EYA1: variants seen among roughly 807,000 people sequenced by gnomAD.
EYA1 encodes the protein protein phosphatase EYA1.
Under a neutral mutation model 82.0 loss-of-function variants are expected in EYA1, and 16 were observed. The observed-to-expected ratio is 0.20, with a 90% CI of 0.13 to 0.30. The LOEUF (loss-of-function observed/expected upper bound fraction) is 0.30, where lower values mean the gene tolerates loss of function less well. Among genes scored for constraint, EYA1 ranks in the 10% least tolerant of loss-of-function variants. The probability of loss-of-function intolerance (pLI) is 1.00; values close to 1 mark genes in which losing one functional copy is unlikely to be tolerated. For missense variants in EYA1, 633 were observed against 730.7 expected (o/e 0.87, Z 1.54); for synonymous variants, 261 against 264.4 (o/e 0.99, Z 0.12).
At position 71,205,363 on chromosome 8, in the gene EYA1, G is replaced by T. The variant is rs1807628770; in HGVS notation, c.1698+5793C>A. On this transcript the variant is annotated intron_variant, in intron 17 of 17. Coordinates refer to ENST00000340726, the MANE Select transcript of EYA1 (RefSeq NM_000503.6). ...TTTTTTTTTTAAACAATCATACCTA[G>T]GTCTAATCATTTTCTCTCAAGCCAT... 4.6e-5 allele frequency among the ~76,000 whole-genome samples: 7 copies of T among 151,672 alleles called. No individual in the cohort carries two copies. In the South Asian group the frequency reaches 1.3e-3, roughly 27 times the overall value.
chr8:71,377,567 T>C (rs1474069560), intron 2 of EYA1, among the ~76,000 whole-genome samples: 5 of 152,210 alleles, frequency 3.3e-5, no homozygotes, highest in Non-Finnish European at 2.9e-5. Context: ...AATTACAGCA[T>C]TTTTATTGTG....
intron 12 of EYA1, among the ~76,000 whole-genome samples, chr8:71,218,963 TC>T (rs1256827445): frequency 2.1e-5 from 3 of 143,814 alleles, no homozygotes; most frequent in African/African-American, 9.0e-5. Flanking sequence ...ATTCAAGGAA[TC>T]AAAACTGACC....
rs1158547401 is a variant in EYA1 at position 71,456,786 on chromosome 8, T to A, written c.33+78958A>T. ...AAGATGGATTAAAGACTTAAAGGTT[T>A]GACCTAAAACCATAAAAACCCTAGA... On this transcript the variant is annotated intron_variant, in intron 2 of 18. Transcript: ENST00000643681. Among the ~76,000 whole-genome samples, 5 of 152,076 alleles carry A rather than the reference T, an allele frequency of 3.3e-5. No homozygotes were observed. In the East Asian group the frequency reaches 5.8e-4, roughly 18 times the overall value.
intron 3 of EYA1, chr8:71,334,438 A>G (rs1449743374): frequency 2.1e-6 from 1 of 478,272 alleles, no homozygotes; most frequent in Non-Finnish European, 3.8e-6. Flanking sequence ...ATTGTTTTAC[A>G]TATTTACTGA....
At chr8:71,277,335 G>C (rs4263800) in intron 9 of EYA1, among the ~76,000 whole-genome samples, 4,088 of 151,846 alleles carry the variant, frequency 0.027, 199 homozygotes, top group African/African-American at 0.094. Flanking sequence ...ATCTTTTGTA[G>C]AGATGGGGGT....
At chr8:71,522,704 G>A (rs966168642) in intron 2 of EYA1, among the ~76,000 whole-genome samples, 1 of 147,578 alleles carries the variant, frequency 6.8e-6, no homozygotes, top group Non-Finnish European at 1.5e-5. Flanking sequence ...CTGCAGCCTT[G>A]ACCTCCAGGG....
intron 7 of EYA1, among the ~76,000 whole-genome samples, chr8:71,300,181 A>G (rs1468408598): frequency 6.6e-6 from 1 of 152,240 alleles, no homozygotes; most frequent in East Asian, 1.9e-4. Context: ...GGCGTATGGA[A>G]AAAGCCATTT....
At chr8:71,282,526 C>T (rs1817923071) in intron 9 of EYA1, among the ~76,000 whole-genome samples, 1 of 152,246 alleles carries the variant, frequency 6.6e-6, no homozygotes, top group Non-Finnish European at 1.5e-5. Flanking sequence ...TATTTCTCCG[C>T]CTTTTGCCAG....
At chr8:71,243,326 A>G (rs1282200708) in intron 12 of EYA1, among the ~76,000 whole-genome samples, 1 of 152,176 alleles carries the variant, frequency 6.6e-6, no homozygotes, top group Non-Finnish European at 1.5e-5. Flanking sequence ...TATCAATCAG[A>G]AACAGCTTTT....
intron 3 of EYA1, among the ~76,000 whole-genome samples, chr8:71,344,531 G>A (rs1357376663): frequency 6.6e-6 from 1 of 152,170 alleles, no homozygotes; most frequent in East Asian, 1.9e-4. Flanking sequence ...GGAAACTGCA[G>A]CTTCAAATGC....
At position 71,361,671 on chromosome 8, in the gene EYA1, C is replaced by T. The variant is rs966052937; in HGVS notation, c.-79G>A. The stretch of plus-strand genomic sequence containing the variant: ...CAGCGCTTACATCTGCTGCATCCAC[C>T]AGTTTAATGTGTTCCTTCGAATTTT... On this transcript the variant is annotated 5_prime_UTR_variant, in exon 1 of 18. Transcript: ENST00000340726. 1.0e-6 allele frequency: 1 copy of T among 985,384 alleles called. No homozygotes were observed. The highest frequency in any genetic ancestry group is 1.2e-6 in the Non-Finnish European group (1 of 829,962). 61.0% of individuals were successfully genotyped at this position (985,384 alleles called of 1,614,324 possible).
chr8:71,279,137 G>T (rs1817532685), intron 9 of EYA1, among the ~76,000 whole-genome samples: 1 of 152,172 alleles, frequency 6.6e-6, no homozygotes, highest in Admixed American at 6.5e-5. Flanking sequence ...TCCTTAGAAA[G>T]ATTATCTGAA....
chr8:71,380,709 A>C (rs1828651566), intron 2 of EYA1, among the ~76,000 whole-genome samples: 1 of 152,238 alleles, frequency 6.6e-6, no homozygotes, highest in Admixed American at 6.5e-5. Flanking sequence ...TAGGCACTTC[A>C]AATGCAATCT....
At chr8:71,355,711 G>A (rs1399602590) in intron 2 of EYA1, among the ~76,000 whole-genome samples, 1 of 152,120 alleles carries the variant, frequency 6.6e-6, no homozygotes, top group African/African-American at 2.4e-5. Context: ...CTATAATTTT[G>A]CAATTTTACC....
chr8:71,332,090 T>C (rs1283295144), intron 4 of EYA1, among the ~76,000 whole-genome samples: 1 of 152,122 alleles, frequency 6.6e-6, no homozygotes, highest in African/African-American at 2.4e-5. Flanking sequence ...TGGGCTCAAA[T>C]GATTCTCCTG....
chr8:71,284,515 C>T (rs1369907959), intron 9 of EYA1, among the ~76,000 whole-genome samples: 5 of 152,186 alleles, frequency 3.3e-5, no homozygotes, highest in African/African-American at 1.2e-4. Flanking sequence ...TCAGTTTCCT[C>T]AACAGTAAAA....
chr8:71,397,142 T>G (rs1282677524), intron 2 of EYA1, among the ~76,000 whole-genome samples: 1 of 152,192 alleles, frequency 6.6e-6, no homozygotes, highest in African/African-American at 2.4e-5. Flanking sequence ...ATTTGCTTGG[T>G]AGATCTTTCT....
At position 71,267,472 on chromosome 8, in the gene EYA1, A is replaced by G. The variant is rs375041373; in HGVS notation, c.1050+2268T>C. Among the ~76,000 whole-genome samples, 214 of 152,378 alleles carry G rather than the reference A, an allele frequency of 1.4e-3. 1 individual carries two copies. The highest frequency in any genetic ancestry group is 5.0e-3 in the African/African-American group (206 of 41,592). On this transcript the variant is annotated intron_variant, in intron 11 of 17. Coordinates refer to ENST00000340726, the MANE Select transcript of EYA1 (RefSeq NM_000503.6). ...CCCCATAAACTTATCAATGAAGGAT[A>G]CACTTATATTTAAGAAACTCAAATA...
At chr8:71,286,761 G>A (rs960521352) in intron 9 of EYA1, among the ~76,000 whole-genome samples, 7 of 150,490 alleles carry the variant, frequency 4.7e-5, no homozygotes, top group Admixed American at 1.3e-4. Flanking sequence ...TCAAAGTTAC[G>A]TGTGATAGTG....
Sources: allele counts gnomAD v4.1 joint callset (sites outside exome capture counted in the v4.1 genomes callset), GRCh38; gene constraint gnomAD v4.1.1; transcripts MANE v1.5; gene names NCBI Gene and HGNC (gene_info 2026-07-23, HGNC 2026-07-21).